Variants in GPHN observed in about 807,000 individuals in gnomAD.
The protein encoded by GPHN is gephyrin.
GPHN carries 17 observed loss-of-function variants against 95.5 expected under a neutral mutation model. The ratio of observed to expected loss-of-function variants is 0.18; its 90% CI spans 0.12 to 0.27. The LOEUF is 0.27. Ranked by LOEUF, GPHN falls within the 10% of genes least tolerant of loss-of-function variation. GPHN has a pLI of 1.00. For missense variants in GPHN, 660 were observed against 978.1 expected (o/e 0.67, Z 4.34); for synonymous variants, 320 against 322.5 (o/e 0.99, Z 0.08).
At chr14:67,085,359 G>A (rs1254219675) in intron 11 of GPHN, among the ~76,000 whole-genome samples, 1 of 152,176 alleles carries the variant, frequency 6.6e-6, no homozygotes, top group African/African-American at 2.4e-5. Context: ...TTGTCAGTGA[G>A]ACCTTACTCC....
At chr14:66,726,362 CAAATTA>C (rs1020970987) in intron 2 of GPHN, among the ~76,000 whole-genome samples, 8 of 152,004 alleles carry the variant, frequency 5.3e-5, no homozygotes, top group African/African-American at 1.9e-4. Context: ...AAATTTAAAA[CAAATTA>C]AAATTAAAAT....
the GPHN span, chr14:67,570,625 C>T: frequency 6.6e-6 from 1 of 152,576 alleles, no homozygotes; most frequent in South Asian, 2.1e-4. Context: ...TCACTGTCTC[C>T]TGTGTGCACA....
chr14:67,445,183 A>G, the GPHN span, among the ~76,000 whole-genome samples: 2 of 152,216 alleles, frequency 1.3e-5, no homozygotes, highest in Admixed American at 6.5e-5. Context: ...AGCAGTGATC[A>G]TAAGTAGAGC....
At chr14:67,203,185 C>G in the GPHN span, 1 of 1,613,954 alleles carries the variant, frequency 6.2e-7, no homozygotes, top group Non-Finnish European at 8.5e-7. Context: ...CACAAGATCC[C>G]CAATGTGATG....
chr14:67,157,153 T>C (rs2081644653), intron 18 of GPHN, among the ~76,000 whole-genome samples: 2 of 152,110 alleles, frequency 1.3e-5, no homozygotes, highest in Non-Finnish European at 2.9e-5. Flanking sequence ...CAATGAAATA[T>C]AGCTGGTGTA....
At chr14:67,069,292 G>C (rs1289662603) in intron 11 of GPHN, among the ~76,000 whole-genome samples, 1 of 152,066 alleles carries the variant, frequency 6.6e-6, no homozygotes, top group African/African-American at 2.4e-5. Context: ...CCTAACATGG[G>C]GATTCTAAGA....
At chr14:67,731,276 A>G in the GPHN span, among the ~76,000 whole-genome samples, 3 of 130,214 alleles carry the variant, frequency 2.3e-5, no homozygotes, top group Admixed American at 9.7e-5. Flanking sequence ...GTGCAATGGC[A>G]TGATCTTGGC....
chr14:66,836,829 A>G (rs991664448), intron 4 of GPHN, among the ~76,000 whole-genome samples: 1 of 152,116 alleles, frequency 6.6e-6, no homozygotes. Context: ...TGCAGCCAGA[A>G]AACACATGAA....
the GPHN span, among the ~76,000 whole-genome samples, chr14:67,248,285 C>G: frequency 6.6e-6 from 1 of 151,746 alleles, no homozygotes; most frequent in African/African-American, 2.4e-5. Flanking sequence ...AATTGGGAGG[C>G]TGAGGTGGGA....
At chr14:67,576,082 C>A in the GPHN span, 1 of 1,202,388 alleles carries the variant, frequency 8.3e-7, no homozygotes, top group African/African-American at 1.5e-5. The surrounding 1 kb of genome is among the most constrained non-coding windows in gnomAD (Gnocchi z 4.0). Flanking sequence ...TTCTCCTGAG[C>A]TTCCCAAAAT....
intron 9 of GPHN, among the ~76,000 whole-genome samples, chr14:66,971,921 C>G (rs2069812603): frequency 6.6e-6 from 1 of 152,144 alleles, no homozygotes; most frequent in African/African-American, 2.4e-5. Flanking sequence ...ACTGGAAGCT[C>G]TTAAGCTCAT....
chr14:66,648,982 T>C (rs1851302389), intron 1 of GPHN, among the ~76,000 whole-genome samples: 1 of 152,178 alleles, frequency 6.6e-6, no homozygotes, highest in African/African-American at 2.4e-5. Context: ...AGGGTTTTGT[T>C]TGATCTTACC....
chr14:67,204,819 C>G, the GPHN span: 3 of 1,613,920 alleles, frequency 1.9e-6, no homozygotes, highest in Non-Finnish European at 1.7e-6. Context: ...TCACAGCCAT[C>G]CTGACCCCGT....
intron 8 of GPHN, among the ~76,000 whole-genome samples, chr14:66,934,505 C>G (rs552485214): frequency 6.6e-6 from 1 of 152,286 alleles, no homozygotes; most frequent in South Asian, 2.1e-4. Context: ...TCAACATACC[C>G]ATTTCACCTA....
intron 18 of GPHN, among the ~76,000 whole-genome samples, chr14:67,144,843 C>A (rs1389531146): frequency 6.6e-6 from 1 of 152,176 alleles, no homozygotes; most frequent in Non-Finnish European, 1.5e-5. Flanking sequence ...CAGAATAGCA[C>A]TGCAGATGCT....
chr14:66,655,728 T>C (rs1382585950), intron 1 of GPHN, among the ~76,000 whole-genome samples: 1 of 152,080 alleles, frequency 6.6e-6, no homozygotes, highest in Admixed American at 6.6e-5. Context: ...ATGATGTTAG[T>C]AGATTTTTAA....
the GPHN span, chr14:67,447,797 A>G: frequency 4.6e-5 from 7 of 152,148 alleles, no homozygotes; most frequent in Non-Finnish European, 5.9e-5. Flanking sequence ...CAGTTAAGTG[A>G]GGCTATGGAT....
At chr14:67,064,375 G>T (rs1476557491) in intron 11 of GPHN, among the ~76,000 whole-genome samples, 1 of 152,170 alleles carries the variant, frequency 6.6e-6, no homozygotes, top group Non-Finnish European at 1.5e-5. Flanking sequence ...GTTCTTCAGG[G>T]ATATTGGTCT....
the GPHN span, among the ~76,000 whole-genome samples, chr14:67,298,796 C>G: frequency 6.6e-6 from 1 of 152,198 alleles, no homozygotes; most frequent in South Asian, 2.1e-4. Flanking sequence ...CTCCACAGAG[C>G]TTCTCTCCCA....
Sources: allele counts gnomAD v4.1 joint callset (sites outside exome capture counted in the v4.1 genomes callset), GRCh38; gene constraint gnomAD v4.1.1; non-coding constraint Gnocchi (gnomAD v3.1); transcripts MANE v1.5; gene names NCBI Gene and HGNC (gene_info 2026-07-23, HGNC 2026-07-21).